CPQ: variants seen among roughly 807,000 people sequenced by gnomAD.
CPQ encodes Ser-Met dipeptidase.
In CPQ, 37 loss-of-function variants were observed where a neutral mutation model predicts 45.7. The ratio of observed to expected loss-of-function variants is 0.81; its 90% CI spans 0.62 to 1.07. The LOEUF (loss-of-function observed/expected upper bound fraction) is 1.07, where lower values mean the gene tolerates loss of function less well. CPQ is among the 50% of genes least tolerant of loss of function. The pLI is 0.00. For missense variants in CPQ, 537 were observed against 572.9 expected (o/e 0.94, Z 0.64); for synonymous variants, 186 against 205.8 (o/e 0.90, Z 0.82).
chr8:96,881,439 G>C (rs576255934), intron 4 of CPQ, among the ~76,000 whole-genome samples: 1 of 152,152 alleles, frequency 6.6e-6, no homozygotes, highest in African/African-American at 2.4e-5. Context: ...GCACCAGGGG[G>C]ATGGTGCTAA....
At chr8:96,752,394 G>A (rs10955082) in intron 1 of CPQ, among the ~76,000 whole-genome samples, 9,271 of 152,122 alleles carry the variant, frequency 0.061, 307 homozygotes, top group Middle Eastern at 0.085. Context: ...TGTAGGAATT[G>A]TGAATGGGAG....
At chr8:96,880,210 A>T (rs1812202897) in intron 4 of CPQ, among the ~76,000 whole-genome samples, 1 of 152,114 alleles carries the variant, frequency 6.6e-6, no homozygotes, top group Non-Finnish European at 1.5e-5. Flanking sequence ...ATTACTAAAA[A>T]GTCAAAGAAT....
chr8:96,971,377 A>G (rs533794032), intron 5 of CPQ, among the ~76,000 whole-genome samples: 3 of 152,298 alleles, frequency 2.0e-5, no homozygotes, highest in East Asian at 1.9e-4. Flanking sequence ...ATCTGAGTCT[A>G]TTTTTTCAAA....
chr8:96,916,366 A>G (rs1812732797), intron 4 of CPQ, among the ~76,000 whole-genome samples: 1 of 152,174 alleles, frequency 6.6e-6, no homozygotes, highest in Admixed American at 6.6e-5. Context: ...ATTAAACCAA[A>G]AAATATTCTT....
At chr8:96,921,039 T>C (rs1243443889) in intron 4 of CPQ, among the ~76,000 whole-genome samples, 2 of 152,198 alleles carry the variant, frequency 1.3e-5, no homozygotes. Context: ...ACACACGCCA[T>C]TTGAACTTCA....
At chr8:96,920,856 C>T (rs1812796363) in intron 4 of CPQ, among the ~76,000 whole-genome samples, 1 of 152,136 alleles carries the variant, frequency 6.6e-6, no homozygotes, top group African/African-American at 2.4e-5. Context: ...ACAGTTTGAT[C>T]TTCAACTTGA....
At chr8:97,033,939 T>C (rs1244609855) in intron 6 of CPQ, among the ~76,000 whole-genome samples, 5 of 152,150 alleles carry the variant, frequency 3.3e-5, no homozygotes, top group Non-Finnish European at 1.5e-5. Context: ...TATTTTAAAT[T>C]GTGGGTAAAA....
chr8:96,900,719 A>G (rs1176816010), intron 4 of CPQ, among the ~76,000 whole-genome samples: 1 of 152,150 alleles, frequency 6.6e-6, no homozygotes, highest in Non-Finnish European at 1.5e-5. Flanking sequence ...TAGAATCTCA[A>G]GGTTGGACGG....
chr8:96,846,445 A>T (rs1811691426), intron 3 of CPQ, among the ~76,000 whole-genome samples: 1 of 152,140 alleles, frequency 6.6e-6, no homozygotes, highest in Admixed American at 6.5e-5. Flanking sequence ...CTTTTGTGTC[A>T]TAGAGTCTTT....
intron 1 of CPQ, among the ~76,000 whole-genome samples, chr8:96,695,627 A>G (rs1374598798): frequency 3.3e-5 from 5 of 151,874 alleles, no homozygotes; most frequent in South Asian, 4.1e-4. Context: ...AAAAGTGGGC[A>G]AAGGACATGA....
chr8:96,810,026 A>G (rs7844671), intron 2 of CPQ, among the ~76,000 whole-genome samples: 6,388 of 152,112 alleles, frequency 0.042, 178 homozygotes, highest in Middle Eastern at 0.099. Context: ...ACTTGCCTGG[A>G]GTAGCTCCCT....
At chr8:97,037,162 C>T (rs1008333867) in intron 6 of CPQ, among the ~76,000 whole-genome samples, 2 of 152,112 alleles carry the variant, frequency 1.3e-5, no homozygotes, top group Non-Finnish European at 2.9e-5. Flanking sequence ...TGCCAGCTTC[C>T]CAACCTGCAT....
At chr8:97,044,383 G>A (rs549941051) in intron 6 of CPQ, among the ~76,000 whole-genome samples, 10 of 152,008 alleles carry the variant, frequency 6.6e-5, no homozygotes, top group African/African-American at 2.2e-4. Context: ...TTATACATTC[G>A]TCTAAATTTT....
intron 4 of CPQ, among the ~76,000 whole-genome samples, chr8:96,928,762 A>C (rs1266720006): frequency 6.6e-6 from 1 of 152,138 alleles, no homozygotes; most frequent in Non-Finnish European, 1.5e-5. Context: ...ACAGACTGAA[A>C]GTTGCTTGCA....
chr8:96,657,413 G>A (rs572855183), intron 1 of CPQ, among the ~76,000 whole-genome samples: 4 of 152,278 alleles, frequency 2.6e-5, no homozygotes, highest in African/African-American at 9.6e-5. Context: ...TGTAGTCAAC[G>A]TGAGATTGTT....
At chr8:96,756,721 A>G (rs1462224377) in intron 1 of CPQ, among the ~76,000 whole-genome samples, 1 of 152,134 alleles carries the variant, frequency 6.6e-6, no homozygotes, top group African/African-American at 2.4e-5. Context: ...TTTTCTTGAG[A>G]AAAGAAACAC....
At chr8:96,901,173 G>A (rs1299361515) in intron 4 of CPQ, among the ~76,000 whole-genome samples, 1 of 152,160 alleles carries the variant, frequency 6.6e-6, no homozygotes, top group Non-Finnish European at 1.5e-5. Context: ...CCCATCTAAT[G>A]ATCAATTCAG....
intron 7 of CPQ, among the ~76,000 whole-genome samples, chr8:97,141,558 T>C (rs1812164414): frequency 6.6e-6 from 1 of 152,190 alleles, no homozygotes; most frequent in Admixed American, 6.5e-5. Flanking sequence ...AGCAAGAGAA[T>C]GACTCATATA....
At chr8:96,830,421 G>A (rs1170240225) in intron 2 of CPQ, among the ~76,000 whole-genome samples, 1 of 152,052 alleles carries the variant, frequency 6.6e-6, no homozygotes, top group Non-Finnish European at 1.5e-5. Flanking sequence ...TACCACAGCA[G>A]TCAGCAGCTG....
Sources: allele counts gnomAD v4.1 joint callset (sites outside exome capture counted in the v4.1 genomes callset), GRCh38; gene constraint gnomAD v4.1.1; transcripts MANE v1.5; gene names NCBI Gene and HGNC (gene_info 2026-07-23, HGNC 2026-07-21).